Variants in CFAP53 observed in about 807,000 individuals in gnomAD.
CFAP53 encodes cilia- and flagella-associated protein 53.
CFAP53 carries 62 observed loss-of-function variants against 59.7 expected under a neutral mutation model. That is an observed-to-expected ratio of 1.04 (90% CI 0.85 to 1.28). The LOEUF (loss-of-function observed/expected upper bound fraction) is 1.28. Among genes scored for constraint, CFAP53 ranks in the 50% most tolerant of loss-of-function variants. The pLI, the probability that CFAP53 is intolerant of heterozygous loss-of-function variation, is 0.00. For synonymous variants in CFAP53, 218 were observed against 205.7 expected, an observed-to-expected ratio of 1.06 and a Z score of -0.51; for missense variants, 629 against 615.6, an observed-to-expected ratio of 1.02 and a Z score of -0.23.
chr18:50,256,368 C>T (rs1367072269), intron 3 of CFAP53: 1 of 152,134 alleles, frequency 6.6e-6, no homozygotes, highest in Non-Finnish European at 1.5e-5. Context: ...TTTACACAGG[C>T]TTGAAAATCC....
intron 3 of CFAP53, 98 bp from the exon 4 acceptor site, chr18:50,251,882 A>G: frequency 7.4e-6 from 8 of 1,074,346 alleles, no homozygotes; most frequent in Non-Finnish European, 1.1e-5. Context: ...AGCAAGAAAA[A>G]TCAGAGACCT....
intron 5 of CFAP53, among the ~76,000 whole-genome samples, chr18:50,246,366 T>C (rs1180071938): frequency 6.6e-6 from 1 of 152,194 alleles, no homozygotes; most frequent in Non-Finnish European, 1.5e-5. Context: ...GACAATTCAA[T>C]AGGGGAACAA....
chr18:50,262,267 T>C (rs1254959163), intron 1 of CFAP53, 48 bp from the exon 2 acceptor site: 15 of 1,496,608 alleles, frequency 1.0e-5, no homozygotes, highest in Admixed American at 1.7e-5. Flanking sequence ...AAGAATCAAC[T>C]GCATATTTTC....
At chr18:50,237,329 AAT>A (rs1555671379) in intron 7 of CFAP53, among the ~76,000 whole-genome samples, 56 of 6,344 alleles carry the variant, frequency 8.8e-3, no homozygotes, top group African/African-American at 0.012. Flanking sequence ...AAAAAAAAAA[AAT>A]ATATATATAT....
rs544000478 is a variant in CFAP53, at chr18:50,239,353, C to CAATAAATA, written c.1214-656_1214-649dup. Among the ~76,000 whole-genome samples, 584 of 150,186 alleles carry CAATAAATA rather than the reference C, an allele frequency of 3.9e-3. 3 individuals are homozygous for CAATAAATA. The highest frequency in any genetic ancestry group is 0.013 in the African/African-American group (550 of 40,866). The stretch of plus-strand genomic sequence containing the variant: ...TGGGCAACAGAGTGAGACGCCGTCT[C>CAATAAATA]AATAAATAAATAAATAAATAAATAA... On this transcript the variant is annotated intron_variant, in intron 6 of 7. Transcript: ENST00000398545.
In CFAP53 at chr18:50,247,054, AAAG is replaced by A. The variant is rs2033752195; in HGVS notation, c.996+3701_996+3703del. Among the ~76,000 whole-genome samples, 3 of 152,166 alleles carry A rather than the reference AAAG, an allele frequency of 2.0e-5. No homozygotes were observed. The South Asian group carries it at 6.2e-4, about 32-fold the overall frequency. On this transcript the variant is annotated intron_variant, in intron 5 of 7. Coordinates refer to ENST00000398545, the MANE Select transcript of CFAP53 (RefSeq NM_145020.5). ...CAAGAGTGAGATTTAAAAAAAAAAA[AAAG>A]AACTCTTACAATTCAATAATAAAAG... is the stretch of plus-strand genomic sequence containing the variant.
intron 5 of CFAP53, among the ~76,000 whole-genome samples, chr18:50,245,862 T>A (rs1009050272): frequency 7.9e-5 from 12 of 152,216 alleles, no homozygotes; most frequent in African/African-American, 2.9e-4. Flanking sequence ...CTCTCTCTTT[T>A]TTTTTTGAGA....
At chr18:50,252,559 G>A (rs141646542) in intron 3 of CFAP53, among the ~76,000 whole-genome samples, 170 of 152,200 alleles carry the variant, frequency 1.1e-3, no homozygotes, top group African/African-American at 3.9e-3. Flanking sequence ...ACATGTCACC[G>A]TGTCTGGCTA....
At chr18:50,230,870 T>C (rs777097614) in intron 7 of CFAP53, among the ~76,000 whole-genome samples, 2 of 152,214 alleles carry the variant, frequency 1.3e-5, no homozygotes, top group Non-Finnish European at 2.9e-5. Context: ...AAAGATAATG[T>C]GGATACCCCT....
chr18:50,264,022 C>G (rs913176961), intron 1 of CFAP53, among the ~76,000 whole-genome samples: 2 of 152,308 alleles, frequency 1.3e-5, no homozygotes, highest in East Asian at 3.9e-4. Context: ...TAATGCAAAA[C>G]AGATATGTAA....
At chr18:50,259,877 C>T (rs1479026342) in intron 3 of CFAP53, among the ~76,000 whole-genome samples, 11 of 152,182 alleles carry the variant, frequency 7.2e-5, no homozygotes, top group Admixed American at 6.5e-4. Flanking sequence ...AATGTTTACA[C>T]TCTTAGAAGT....
intron 3 of CFAP53, among the ~76,000 whole-genome samples, chr18:50,252,819 G>C (rs944193796): frequency 1.3e-5 from 2 of 152,172 alleles, no homozygotes; most frequent in Non-Finnish European, 2.9e-5. Flanking sequence ...ACTAGGACTA[G>C]CCTGGGAAAC....
chr18:50,227,883 C>T (rs568159611), intron 7 of CFAP53, among the ~76,000 whole-genome samples: 15 of 151,462 alleles, frequency 9.9e-5, no homozygotes, highest in African/African-American at 3.1e-4. Flanking sequence ...GGTTTGCCTC[C>T]ATCCCTTCCC....
chr18:50,262,052 C>G lies in CFAP53; in HGVS notation c.237G>C (p.Val79=), dbSNP rs1474264718. ...HNDCKILDSL[V]RARIKDAVQG... ...GCACAGCATCCTTGATTCTTGCTCG[C>G]ACAAGGCTGTCCAAAATCTTGCAGT... is the stretch of plus-strand genomic sequence containing the variant. The change falls in exon 2 of 8, where the codon GTG becomes GTC. Residue 79 remains valine (V), a synonymous_variant. Transcript: ENST00000398545. 1 of 1,614,174 alleles carries G rather than the reference C, an allele frequency of 6.2e-7. No homozygotes were observed. The highest frequency in any genetic ancestry group is 8.5e-7 in the Non-Finnish European group (1 of 1,180,034).
At chr18:50,238,534 G>A (rs1449972803) in intron 7 of CFAP53, 69 bp downstream of exon 7, 2 of 999,644 alleles carry the variant, frequency 2.0e-6, no homozygotes, top group Non-Finnish European at 3.1e-6. Context: ...TTACAGGTGT[G>A]AGCCACCATG....
intron 3 of CFAP53, chr18:50,256,003 T>G (rs767424466): frequency 5.9e-5 from 9 of 152,132 alleles, no homozygotes; most frequent in Non-Finnish European, 1.3e-4. Flanking sequence ...TGCTGAGGAG[T>G]TGGCAGTGCT....
At chr18:50,237,349 TATACGCACAC>T (rs1282402253) in intron 7 of CFAP53, among the ~76,000 whole-genome samples, 4 of 58,332 alleles carry the variant, frequency 6.9e-5, no homozygotes, top group Admixed American at 3.0e-4. Context: ...TATATATATA[TATACGCACAC>T]ATATATATAC....
intron 5 of CFAP53, among the ~76,000 whole-genome samples, chr18:50,247,619 A>G (rs2033757296): frequency 6.6e-6 from 1 of 152,276 alleles, no homozygotes; most frequent in Non-Finnish European, 1.5e-5. Context: ...ATGGAATATC[A>G]TTCAGCCACA....
chr18:50,251,383 T>C, intron 4 of CFAP53, 98 bp downstream of exon 4: 1 of 1,067,094 alleles, frequency 9.4e-7, no homozygotes, highest in Admixed American at 2.2e-5. Context: ...GCCTGTGAAC[T>C]AGCCCAGGCC....
Sources: gnomAD v4.1 joint callset for allele counts (sites outside exome capture counted in the v4.1 genomes callset) on GRCh38, gnomAD v4.1.1 for gene constraint, MANE v1.5 for transcripts, NCBI Gene and HGNC (gene_info 2026-07-23, HGNC 2026-07-21) for gene names.